PRSS1: variants seen among roughly 807,000 people sequenced by gnomAD.
PRSS1 encodes the protein serine protease 1, also known as TCR V beta 4.1.
PRSS1 carries 22 observed loss-of-function variants against 24.2 expected under a neutral mutation model. That is an observed-to-expected ratio of 0.91 (90% CI 0.65 to 1.30). The LOEUF (loss-of-function observed/expected upper bound fraction) is 1.30, where lower values mean the gene tolerates loss of function less well. PRSS1 is among the 50% of genes most tolerant of loss of function. The pLI is 0.00. For synonymous variants in PRSS1, 126 were observed against 116.1 expected, an observed-to-expected ratio of 1.08 and a Z score of -0.55; for missense variants, 366 against 304.2, an observed-to-expected ratio of 1.20 and a Z score of -1.51.
chr7:142,750,726 GC>G lies in PRSS1; in HGVS notation c.200+17del. On this transcript the variant is annotated intron_variant, in intron 2 of 4. Transcript: ENST00000311737. The stretch of plus-strand genomic sequence containing the variant: ...CACTGCTACAAGTCGTAAGTGTGGG[GC>G]CCCCGACTGCAAAGCTCCCGGCCAG... The G allele has an allele frequency of 1.2e-6, 2 of 1,613,826 alleles. No individual in the cohort carries two copies. The highest frequency in any genetic ancestry group is 2.2e-5 in the South Asian group (2 of 91,068).
intron 1 of PRSS1, 87 bp from the exon 2 acceptor site, chr7:142,750,468 T>C: frequency 6.2e-7 from 1 of 1,600,254 alleles, no homozygotes; most frequent in Non-Finnish European, 8.6e-7. Flanking sequence ...GTTAAGGATT[T>C]CTAATTAGCA....
At position 142,750,637 on chromosome 7, in the gene PRSS1, G is replaced by C; in HGVS notation, c.123G>C (p.Leu41=). 1 of 1,614,052 alleles carries C rather than the reference G, an allele frequency of 6.2e-7. No homozygotes were observed. The highest frequency in any genetic ancestry group is 2.2e-5 in the East Asian group (1 of 44,888). Residue 41 remains leucine (L), a synonymous_variant, in exon 2 of 5, where the codon CTG becomes CTC. Coordinates refer to ENST00000311737, the MANE Select transcript of PRSS1 (RefSeq NM_002769.5). ...EENSVPYQVS[L]NSGYHFCGGS... is the part of the protein sequence containing the mutation. ...ATTCTGTCCCCTACCAGGTGTCCCT[G>C]AATTCTGGCTACCACTTCTGTGGTG...
chr7:142,752,572 T>G lies in PRSS1; in HGVS notation c.591+5T>G, dbSNP rs1161451018. The G allele has an allele frequency of 6.2e-7, 1 of 1,614,054 alleles. No homozygotes were observed. Among genetic ancestry groups the G allele is most frequent in the East Asian group, 2.2e-5 (1 of 44,886 alleles). The stretch of plus-strand genomic sequence containing the variant: ...GGAGGCAAGGATTCATGTCAGGTGA[T>G]TTGACCAACCCTTCCCATGCTGAGG... On this transcript the variant is annotated splice_donor_5th_base_variant and intron_variant, in intron 4 of 4. Transcript: ENST00000311737.
intron 1 of PRSS1, 53 bp downstream of exon 1, chr7:142,749,577 C>T (rs1798511055): frequency 6.4e-6 from 10 of 1,572,534 alleles, no homozygotes; most frequent in Non-Finnish European, 8.7e-6. Context: ...TCCTGGCCGA[C>T]AAATGCCCTT....
At chr7:142,752,131 T>C (rs1256339494) in intron 3 of PRSS1, 104 bp downstream of exon 3, 2 of 1,531,912 alleles carry the variant, frequency 1.3e-6, no homozygotes, top group South Asian at 1.1e-5. Context: ...TTAAGACACA[T>C]TTCGAGTGCC....
intron 2 of PRSS1, 37 bp downstream of exon 2, chr7:142,750,751 A>T: frequency 1.2e-6 from 2 of 1,613,740 alleles, no homozygotes; most frequent in Non-Finnish European, 1.7e-6. Flanking sequence ...GCTCCCGGCC[A>T]GTCTGCCTGG....
chr7:142,752,461 A>T lies in PRSS1; in HGVS notation c.485A>T (p.Asp162Val), dbSNP rs1248894315. ...TACCCAGACGAGCTGCAGTGCCTGG[A>T]TGCTCCTGTGCTGAGCCAGGCTAAG... Reference protein sequence around the residue: ...ADYPDELQCLDAPVLSQAKCE... With the variant: ...ADYPDELQCLVAPVLSQAKCE... Residue 162 changes from aspartate to valine, a missense_variant, in exon 4 of 5, where the codon GAT (aspartate) becomes GTT (valine). Transcript: ENST00000311737. The T allele has an allele frequency of 1.9e-6, 3 of 1,613,996 alleles. No individual in the cohort carries two copies. The highest frequency in any genetic ancestry group is 2.5e-6 in the Non-Finnish European group (3 of 1,179,978).
Position 142,749,517 on chromosome 7 carries a change from A to G in PRSS1, c.33A>G (p.Ala11=). MNPLLILTFV[A]AALAAPFDDD... ...CACTCCTGATCCTTACCTTTGTGGC[A>G]GCTGCTCGTGAGTATCATGCCCTGC... The change falls in exon 1 of 5, where the codon GCA becomes GCG. Residue 11 remains alanine, a synonymous_variant. Transcript: ENST00000311737. The G allele has an allele frequency of 6.2e-7, 1 of 1,614,096 alleles. No homozygotes were observed. The highest frequency in any genetic ancestry group is 8.5e-7 in the Non-Finnish European group (1 of 1,180,000).
In PRSS1 at chr7:142,751,886, A is replaced by G. The variant is rs200254850; in HGVS notation, c.313A>G (p.Asn105Asp). The change falls in exon 3 of 5, where the codon AAC (asparagine) becomes GAC (aspartate). Residue 105 changes from asparagine (N) to aspartate (D), a missense_variant. Transcript: ENST00000311737. ...CCCCCAATACGACAGGAAGACTCTG[A>G]ACAATGACATCATGTTAATCAAGCT... is the stretch of plus-strand genomic sequence containing the variant. ...RHPQYDRKTLNNDIMLIKLSS... is the reference protein window; with the variant it reads ...RHPQYDRKTLDNDIMLIKLSS... The G allele has an allele frequency of 3.7e-6, 6 of 1,613,978 alleles. No individual in the cohort carries two copies. The highest frequency in any genetic ancestry group is 5.1e-6 in the Non-Finnish European group (6 of 1,180,030).
intron 2 of PRSS1, chr7:142,751,494 T>A: frequency 1.7e-6 from 1 of 601,984 alleles, no homozygotes; most frequent in Non-Finnish European, 2.9e-6. Flanking sequence ...ACTGTGGAGA[T>A]TGTGGGAAAG....
At chr7:142,749,653 T>C in intron 1 of PRSS1, 129 bp downstream of exon 1, 1 of 1,250,820 alleles carries the variant, frequency 8.0e-7, no homozygotes, top group South Asian at 1.2e-5. Flanking sequence ...CTGGCATATC[T>C]CCTTCCCATC....
intron 1 of PRSS1, among the ~76,000 whole-genome samples, chr7:142,750,237 G>A (rs1429903140): frequency 6.6e-6 from 1 of 152,184 alleles, no homozygotes; most frequent in African/African-American, 2.4e-5. Context: ...ATAAAAGAGA[G>A]AAGCACTCAG....
chr7:142,752,484 A>G lies in PRSS1; in HGVS notation c.508A>G (p.Lys170Glu), dbSNP rs201550522. The G allele has an allele frequency of 6.5e-4, 1,056 of 1,614,114 alleles. 17 individuals are homozygous for G. The South Asian group carries it at 0.011, about 17-fold the overall frequency. Reference sequence around the variant, plus strand: ...GGATGCTCCTGTGCTGAGCCAGGCTAAGTGTGAAGCCTCCTACCCTGGAAA... The same window carrying G: ...GGATGCTCCTGTGCTGAGCCAGGCTGAGTGTGAAGCCTCCTACCCTGGAAA... ...CLDAPVLSQAKCEASYPGKIT... is the reference protein window; with the variant it reads ...CLDAPVLSQAECEASYPGKIT... The change falls in exon 4 of 5, where the codon AAG becomes GAG. Residue 170 changes from lysine (K) to glutamate (E), a missense_variant. Lys to Glu is a moderately conservative substitution (Grantham distance 56). Coordinates refer to ENST00000311737, the MANE Select transcript of PRSS1 (RefSeq NM_002769.5).
chr7:142,752,123 A>G, intron 3 of PRSS1, 96 bp downstream of exon 3: 1 of 1,225,188 alleles, frequency 8.2e-7, no homozygotes, highest in South Asian at 1.3e-5. Flanking sequence ...CTCCAGGCTT[A>G]AGACACATTT....
At position 142,751,758 on chromosome 7, in the gene PRSS1, C is replaced by T. The variant is rs1265284316; in HGVS notation, c.201-16C>T. The T allele has an allele frequency of 1.2e-6, 2 of 1,614,064 alleles. No individual in the cohort carries two copies. The highest frequency in any genetic ancestry group is 2.7e-5 in the African/African-American group (2 of 74,928). On this transcript the variant is annotated splice_polypyrimidine_tract_variant and intron_variant, in intron 2 of 4. Coordinates refer to ENST00000311737, the MANE Select transcript of PRSS1 (RefSeq NM_002769.5). ...CTGTGGGAGAAGGTCTTCACCATGC[C>T]TGCCCTGCCCATCAGCCGCATCCAG...
In PRSS1 at chr7:142,750,389, G is replaced by T. The variant is rs182172370; in HGVS notation, c.41-166G>T. On this transcript the variant is annotated intron_variant, in intron 1 of 4. Coordinates refer to ENST00000311737, the MANE Select transcript of PRSS1 (RefSeq NM_002769.5). The stretch of plus-strand genomic sequence containing the variant: ...ATGTGCCCTGCAGGCACAGAGACTT[G>T]GGAGCCACAGGCAGTGATGATCACC... Among the ~76,000 whole-genome samples, 499 of 144,952 alleles carry T rather than the reference G, an allele frequency of 3.4e-3. 1 individual carries two copies. The highest frequency in any genetic ancestry group is 6.0e-3 in the Non-Finnish European group (392 of 65,116).
intron 3 of PRSS1, 139 bp downstream of exon 3, chr7:142,752,166 G>A: frequency 7.2e-7 from 1 of 1,384,426 alleles, no homozygotes; most frequent in South Asian, 1.2e-5. Flanking sequence ...TCTGCACTGG[G>A]CACCAGAGAG....
At chr7:142,749,657 T>G in intron 1 of PRSS1, 133 bp downstream of exon 1, 1 of 1,235,868 alleles carries the variant, frequency 8.1e-7, no homozygotes, top group Non-Finnish European at 1.2e-6. Context: ...CATATCTCCT[T>G]CCCATCCTCC....
At chr7:142,751,327 A>T in intron 2 of PRSS1, 4 of 595,014 alleles carry the variant, frequency 6.7e-6, no homozygotes, top group Non-Finnish European at 1.2e-5. Context: ...AGGAGATGCT[A>T]ATGCTATGGC....
Sources: gnomAD v4.1 joint callset for allele counts (sites outside exome capture counted in the v4.1 genomes callset) on GRCh38, gnomAD v4.1.1 for gene constraint, MANE v1.5 for transcripts, NCBI Gene and HGNC (gene_info 2026-07-23, HGNC 2026-07-21) for gene names.